Variants in ARHGAP15 observed in about 807,000 individuals in gnomAD.
ARHGAP15 encodes the protein rho GTPase-activating protein 15.
In ARHGAP15, 51 loss-of-function variants were observed where a neutral mutation model predicts 63.7. That is an observed-to-expected ratio of 0.80 (90% confidence interval 0.64 to 1.01). The LOEUF is 1.01. Ranked by LOEUF, ARHGAP15 falls within the 50% of genes least tolerant of loss-of-function variation. The pLI is 0.00. For synonymous variants in ARHGAP15, 191 were observed against 193.8 expected (o/e 0.99, Z 0.12); for missense variants, 560 against 564.6 (o/e 0.99, Z 0.08).
intron 6 of ARHGAP15, among the ~76,000 whole-genome samples, chr2:143,365,453 T>G (rs952724029): frequency 4.6e-5 from 7 of 152,200 alleles, no homozygotes; most frequent in Non-Finnish European, 8.8e-5. Context: ...ATAGTTTGTG[T>G]GACAATGCTG....
At chr2:143,683,335 C>G (rs1326421826) in intron 12 of ARHGAP15, among the ~76,000 whole-genome samples, 2 of 151,984 alleles carry the variant, frequency 1.3e-5, no homozygotes, top group East Asian at 3.9e-4. Context: ...GCCTATTTTG[C>G]TAGCAAATAA....
intron 6 of ARHGAP15, among the ~76,000 whole-genome samples, chr2:143,406,488 G>A (rs1025547111): frequency 3.3e-5 from 5 of 151,838 alleles, no homozygotes; most frequent in African/African-American, 9.7e-5. Flanking sequence ...GATATGTGTA[G>A]ACAATTGTGT....
intron 1 of ARHGAP15, among the ~76,000 whole-genome samples, chr2:143,149,534 C>A (rs1055879521): frequency 4.6e-5 from 7 of 151,836 alleles, no homozygotes; most frequent in Admixed American, 4.6e-4. Context: ...TAAATTTGAT[C>A]TTTTTTTAAT....
chr2:143,425,437 CACT>C (rs980409626), intron 6 of ARHGAP15, among the ~76,000 whole-genome samples: 19 of 151,686 alleles, frequency 1.3e-4, no homozygotes, highest in African/African-American at 3.9e-4. Flanking sequence ...TGATACGTAT[CACT>C]ACATCATATG....
chr2:143,559,362 A>G (rs908625722), intron 11 of ARHGAP15, among the ~76,000 whole-genome samples: 10 of 152,324 alleles, frequency 6.6e-5, no homozygotes, highest in African/African-American at 1.9e-4. Context: ...TCATGTTTCC[A>G]TGAGAATTGA....
intron 6 of ARHGAP15, among the ~76,000 whole-genome samples, chr2:143,335,607 G>T (rs1316421312): frequency 6.6e-6 from 1 of 152,158 alleles, no homozygotes; most frequent in Non-Finnish European, 1.5e-5. Flanking sequence ...TATTCATTCA[G>T]TATATACTTA....
intron 6 of ARHGAP15, among the ~76,000 whole-genome samples, chr2:143,285,221 C>G (rs1682032291): frequency 6.6e-6 from 1 of 151,956 alleles, no homozygotes; most frequent in South Asian, 2.1e-4. Context: ...AAACCCAATA[C>G]TAATTGAGAA....
At chr2:143,132,697 T>C (rs1405368186) in intron 1 of ARHGAP15, among the ~76,000 whole-genome samples, 1 of 152,238 alleles carries the variant, frequency 6.6e-6, no homozygotes, top group Admixed American at 6.5e-5. Context: ...GGTCTCCTGA[T>C]GTAGAAATTA....
chr2:143,531,127 C>CGTGCGTGTGTGTGCGT (rs58887426), intron 10 of ARHGAP15, among the ~76,000 whole-genome samples: 123,536 of 151,828 alleles, frequency 0.81, 50,378 homozygotes, highest in South Asian at 0.83. Flanking sequence ...TGTGTGTGCG[C>CGTGCGTGTGTGTGCGT]GCATGTGTGT....
chr2:143,351,106 A>G (rs886740801), intron 6 of ARHGAP15: 5 of 152,162 alleles, frequency 3.3e-5, no homozygotes, highest in Non-Finnish European at 5.9e-5. Context: ...CAAAAGTTTA[A>G]GAATGGATGC....
At chr2:143,495,469 C>CT in intron 9 of ARHGAP15, among the ~76,000 whole-genome samples, 1 of 149,870 alleles carries the variant, frequency 6.7e-6, no homozygotes, top group African/African-American at 2.5e-5. Context: ...ATTTTTCTAA[C>CT]TACACTCACT....
At chr2:143,638,167 C>G (rs1477413813) in intron 12 of ARHGAP15, among the ~76,000 whole-genome samples, 1 of 146,862 alleles carries the variant, frequency 6.8e-6, no homozygotes, top group East Asian at 2.0e-4. Context: ...ACCCAAAGGA[C>G]TATAAATCAT....
At chr2:143,487,961 C>T (rs1692402304) in intron 9 of ARHGAP15, among the ~76,000 whole-genome samples, 1 of 152,158 alleles carries the variant, frequency 6.6e-6, no homozygotes, top group Non-Finnish European at 1.5e-5. Flanking sequence ...AAGTCTAAGA[C>T]AAACTAGTGT....
chr2:143,362,228 T>G (rs776782552), intron 6 of ARHGAP15, among the ~76,000 whole-genome samples: 1 of 152,220 alleles, frequency 6.6e-6, no homozygotes, highest in Non-Finnish European at 1.5e-5. Context: ...TAAAATTGTC[T>G]GTTTCCCTGT....
chr2:143,244,405 A>G (rs1392990129), intron 5 of ARHGAP15, among the ~76,000 whole-genome samples: 1 of 152,154 alleles, frequency 6.6e-6, no homozygotes, highest in Non-Finnish European at 1.5e-5. Context: ...CTCCCCATGG[A>G]TATTTTTATT....
At chr2:143,723,570 T>C (rs1262223001) in intron 13 of ARHGAP15, among the ~76,000 whole-genome samples, 5 of 152,132 alleles carry the variant, frequency 3.3e-5, no homozygotes, top group African/African-American at 9.7e-5. Flanking sequence ...GTGCAATCTA[T>C]AGATTAAAGA....
chr2:143,683,321 C>A (rs894709294), intron 12 of ARHGAP15, among the ~76,000 whole-genome samples: 2 of 151,900 alleles, frequency 1.3e-5, no homozygotes, highest in Admixed American at 1.3e-4. Context: ...TGTTGTATAA[C>A]ATGGCCTATT....
At chr2:143,738,342 G>A (rs144283174) in intron 13 of ARHGAP15, among the ~76,000 whole-genome samples, 144 of 152,238 alleles carry the variant, frequency 9.5e-4, no homozygotes, top group Non-Finnish European at 1.0e-3. Flanking sequence ...AGTAGTCTGT[G>A]GAGTCATTTA....
At chr2:143,160,278 C>G (rs1275571908) in intron 2 of ARHGAP15, among the ~76,000 whole-genome samples, 7 of 151,930 alleles carry the variant, frequency 4.6e-5, no homozygotes, top group Non-Finnish European at 1.0e-4. Context: ...TGTTCTTATA[C>G]ACTGCATTCT....
Sources: gnomAD v4.1 joint callset for allele counts (sites outside exome capture counted in the v4.1 genomes callset) on GRCh38, gnomAD v4.1.1 for gene constraint, MANE v1.5 for transcripts, NCBI Gene and HGNC (gene_info 2026-07-23, HGNC 2026-07-21) for gene names.